FRAS1: variants seen among roughly 807,000 people sequenced by gnomAD.
FRAS1 encodes extracellular matrix organizing protein FRAS1.
FRAS1 carries 290 observed loss-of-function variants against 435.2 expected under a neutral mutation model. The observed-to-expected ratio is 0.67, with a 90% CI of 0.61 to 0.73. The LOEUF is 0.73. Ranked by LOEUF, FRAS1 falls within the 30% of genes least tolerant of loss-of-function variation. The pLI is 0.00. For missense variants in FRAS1, 4,860 were observed against 5,001.5 expected, an observed-to-expected ratio of 0.97 and a Z score of 0.85; for synonymous variants, 1,800 against 1,851.0, an observed-to-expected ratio of 0.97 and a Z score of 0.71.
At chr4:78,082,927 T>A (rs981671511) in intron 2 of FRAS1, among the ~76,000 whole-genome samples, 2 of 152,152 alleles carry the variant, frequency 1.3e-5, no homozygotes, top group Admixed American at 6.6e-5. Flanking sequence ...ACAATGCTCT[T>A]GTGTTTGGTG....
At chr4:78,144,160 T>C (rs1306322673) in intron 2 of FRAS1, among the ~76,000 whole-genome samples, 2 of 148,728 alleles carry the variant, frequency 1.3e-5, no homozygotes, top group Non-Finnish European at 3.0e-5. Context: ...AAATAAAAAA[T>C]AAAGACAAAA....
At chr4:78,173,521 A>T (rs1721641235) in intron 2 of FRAS1, among the ~76,000 whole-genome samples, 1 of 152,178 alleles carries the variant, frequency 6.6e-6, no homozygotes, top group South Asian at 2.1e-4. Context: ...ATTACTGGGA[A>T]GCTCCCCCAT....
intron 2 of FRAS1, among the ~76,000 whole-genome samples, chr4:78,224,838 T>A (rs1019109788): frequency 2.2e-4 from 34 of 152,190 alleles, no homozygotes; most frequent in Admixed American, 1.8e-3. Context: ...GGCTGGCATA[T>A]AACTTTTGTA....
At chr4:78,278,094 T>C (rs1457623800) in intron 9 of FRAS1, among the ~76,000 whole-genome samples, 1 of 152,208 alleles carries the variant, frequency 6.6e-6, no homozygotes, top group African/African-American at 2.4e-5. Flanking sequence ...CCACCACGAC[T>C]GGCCATCCTC....
Position 78,516,023 on chromosome 4 carries a change from C to T in FRAS1, c.10389+10C>T. On this transcript the variant is annotated intron_variant, in intron 66 of 73. Transcript: ENST00000512123. Reference sequence around the variant, plus strand: ...AACCGCTGACTTCCAGGTAGGTGCCCCGGGGCTTGTCTGAGGACTCTGCAT... The same window carrying T: ...AACCGCTGACTTCCAGGTAGGTGCCTCGGGGCTTGTCTGAGGACTCTGCAT... 6.2e-7 allele frequency: 1 copy of T among 1,607,508 alleles called. No individual in the cohort carries two copies. Among genetic ancestry groups the T allele is most frequent in the East Asian group, 2.2e-5 (1 of 44,632 alleles).
At chr4:78,122,827 G>C (rs984817276) in intron 2 of FRAS1, among the ~76,000 whole-genome samples, 1 of 151,916 alleles carries the variant, frequency 6.6e-6, no homozygotes, top group African/African-American at 2.4e-5. Flanking sequence ...GGAGTTGTTT[G>C]CTTTTTTCTT....
chr4:78,269,402 C>T (rs973687386), intron 9 of FRAS1, among the ~76,000 whole-genome samples: 3 of 152,218 alleles, frequency 2.0e-5, no homozygotes, highest in African/African-American at 7.2e-5. Context: ...CCACTTTCTG[C>T]CTGCCTCCTT....
intron 59 of FRAS1, among the ~76,000 whole-genome samples, chr4:78,491,699 T>C (rs1237401206): frequency 2.0e-5 from 3 of 152,244 alleles, no homozygotes; most frequent in Middle Eastern, 3.4e-3. Flanking sequence ...CAATATCATA[T>C]TGAATGGCAA....
chr4:78,322,741 G>C (rs1212422614), intron 18 of FRAS1, among the ~76,000 whole-genome samples: 1 of 152,110 alleles, frequency 6.6e-6, no homozygotes, highest in African/African-American at 2.4e-5. Flanking sequence ...AAAATTAACA[G>C]TGATCAAAAG....
intron 61 of FRAS1, among the ~76,000 whole-genome samples, chr4:78,502,989 C>A (rs1414645859): frequency 6.6e-6 from 1 of 152,094 alleles, no homozygotes; most frequent in Non-Finnish European, 1.5e-5. Context: ...GTTTTTGTCA[C>A]TGGTTCTGTT....
intron 2 of FRAS1, among the ~76,000 whole-genome samples, chr4:78,175,946 A>T (rs529469428): frequency 6.6e-6 from 1 of 152,292 alleles, no homozygotes; most frequent in East Asian, 1.9e-4. Flanking sequence ...TACATCCCTA[A>T]GAGACACTAG....
chr4:78,463,884 T>G (rs1473035453), intron 47 of FRAS1, 137 bp from the exon 48 acceptor site: 1 of 937,408 alleles, frequency 1.1e-6, no homozygotes, highest in Non-Finnish European at 1.6e-6. Context: ...AACAAGGTCC[T>G]CAAGTGGAGG....
intron 2 of FRAS1, among the ~76,000 whole-genome samples, chr4:78,110,389 G>A (rs1383903906): frequency 8.0e-6 from 1 of 124,696 alleles, no homozygotes; most frequent in Non-Finnish European, 1.7e-5. Context: ...CATGGTACTG[G>A]TACCAAAACA....
intron 2 of FRAS1, among the ~76,000 whole-genome samples, chr4:78,097,814 T>C (rs1379081283): frequency 1.3e-5 from 2 of 152,290 alleles, no homozygotes; most frequent in Admixed American, 1.3e-4. Flanking sequence ...TACTTCAGAA[T>C]GTGTCTGCAT....
At chr4:78,533,525 A>G (rs1313407513) in intron 70 of FRAS1, among the ~76,000 whole-genome samples, 2 of 152,376 alleles carry the variant, frequency 1.3e-5, no homozygotes, top group East Asian at 1.9e-4. Context: ...TCTAAGGGAT[A>G]TGGGAAACCA....
chr4:78,508,665 AG>A (rs2109882113), intron 62 of FRAS1, 65 bp from the exon 63 acceptor site: 6 of 1,541,618 alleles, frequency 3.9e-6, no homozygotes, highest in Non-Finnish European at 5.3e-6. Context: ...CTCTAAAGAA[AG>A]GGGGCTTAGT....
At chr4:78,176,370 AC>A (rs1180420910) in intron 2 of FRAS1, among the ~76,000 whole-genome samples, 2 of 152,044 alleles carry the variant, frequency 1.3e-5, no homozygotes, top group Non-Finnish European at 2.9e-5. Flanking sequence ...GAGTATGAGG[AC>A]TCGCAATTCC....
In FRAS1 at chr4:78,363,640, C is replaced by T; in HGVS notation, c.2550C>T (p.Tyr850=). 3 of 1,598,104 alleles carry T rather than the reference C, an allele frequency of 1.9e-6. No homozygotes were observed. The Admixed American group carries it at 5.2e-5, about 28-fold the overall frequency. Reference sequence around the variant, plus strand: ...GTGTTCCTGACTGCCCTTCAGGATACTATGCAGAGAGAGGAGCTTGTAAAA... The same window carrying T: ...GTGTTCCTGACTGCCCTTCAGGATATTATGCAGAGAGAGGAGCTTGTAAAA... The part of the protein sequence containing the change: ...DHCVPDCPSG[Y]YAERGACKKC... Residue 850 remains tyrosine (Y), a synonymous_variant, in exon 21 of 74, where the codon TAC becomes TAT. Transcript: ENST00000512123.
chr4:78,117,350 C>T (rs13135547), intron 2 of FRAS1, among the ~76,000 whole-genome samples: 32,984 of 152,022 alleles, frequency 0.22, 3,938 homozygotes, highest in Admixed American at 0.29. Flanking sequence ...GTGGCGTTCT[C>T]TATATTTCCT....
Sources: allele counts gnomAD v4.1 joint callset (sites outside exome capture counted in the v4.1 genomes callset), GRCh38; gene constraint gnomAD v4.1.1; transcripts MANE v1.5; gene names NCBI Gene and HGNC (gene_info 2026-07-23, HGNC 2026-07-21).